Variants in STK11IP observed in about 807,000 individuals in gnomAD.
The protein encoded by STK11IP is serine/threonine kinase 11 interacting protein, also known as serine/threonine-protein kinase 11-interacting protein.
Under a neutral mutation model 131.7 loss-of-function variants are expected in STK11IP, and 103 were observed. That is an observed-to-expected ratio of 0.78 (90% confidence interval 0.67 to 0.92). STK11IP has a LOEUF of 0.92. Ranked by LOEUF, STK11IP falls within the 40% of genes least tolerant of loss-of-function variation. STK11IP has a pLI of 0.00. For missense variants in STK11IP, 1,315 were observed against 1,385.7 expected, an observed-to-expected ratio of 0.95 and a Z score of 0.81; for synonymous variants, 557 against 575.6, an observed-to-expected ratio of 0.97 and a Z score of 0.46.
intron 17 of STK11IP, among the ~76,000 whole-genome samples, chr2:219,610,989 T>A (rs1400725903): frequency 6.6e-6 from 1 of 152,218 alleles, no homozygotes; most frequent in Non-Finnish European, 1.5e-5. Context: ...AGGTAGCGCA[T>A]GCCCATCACG....
Position 219,615,068 on chromosome 2 carries a change from C to T in STK11IP, c.2870-26C>T, listed in dbSNP as rs1224138095. The T allele has an allele frequency of 5.6e-6, 9 of 1,599,498 alleles. No individual in the cohort carries two copies. In the South Asian group the frequency reaches 8.9e-5, roughly 16 times the overall value. ...GGATCTGGGCCCCTCCATGACCTTCCACACTGGATGCCTCTTTCCCTGCAG... is the reference window on the plus strand; with the variant it reads ...GGATCTGGGCCCCTCCATGACCTTCTACACTGGATGCCTCTTTCCCTGCAG... On this transcript the variant is annotated intron_variant, in intron 23 of 24. Coordinates refer to ENST00000456909, the MANE Select transcript of STK11IP (RefSeq NM_052902.4).
In STK11IP at chr2:219,606,144, G is replaced by A. The variant is rs376054427; in HGVS notation, c.850-51G>A. 13 of 1,538,984 alleles carry A rather than the reference G, an allele frequency of 8.4e-6. No individual in the cohort carries two copies. The African/African-American group carries it at 1.6e-4, about 19-fold the overall frequency. ...GTTTGGTCAGTGCCTTCTTCACACAGGGAGGGCCAGGGCCCCAGGCCCTCC... is the reference window on the plus strand; with the variant it reads ...GTTTGGTCAGTGCCTTCTTCACACAAGGAGGGCCAGGGCCCCAGGCCCTCC... On this transcript the variant is annotated intron_variant, in intron 9 of 24. Coordinates refer to ENST00000456909, the MANE Select transcript of STK11IP (RefSeq NM_052902.4).
intron 19 of STK11IP, 132 bp downstream of exon 19, chr2:219,612,190 T>C: frequency 3.8e-6 from 3 of 786,738 alleles, no homozygotes; most frequent in Non-Finnish European, 6.1e-6. Context: ...CAGCAGCTTC[T>C]TGCTGTGTGG....
At chr2:219,613,261 A>AGATGGGGTGAGTTGGGGGGG in intron 20 of STK11IP, 36 bp downstream of exon 20, 1 of 718,270 alleles carries the variant, frequency 1.4e-6, no homozygotes, top group South Asian at 1.5e-5. Context: ...GTAAGGGGGG[A>AGATGGGGTGAGTTGGGGGGG]GATGGGGTGA....
intron 24 of STK11IP, 97 bp downstream of exon 24, chr2:219,615,438 G>A (rs1321268971): frequency 6.8e-7 from 1 of 1,470,628 alleles, no homozygotes. Flanking sequence ...TAGGAACCCT[G>A]GGCATTGGTG....
chr2:219,603,955 C>G (rs1698073033), intron 7 of STK11IP, among the ~76,000 whole-genome samples: 2 of 151,980 alleles, frequency 1.3e-5, no homozygotes, highest in African/African-American at 4.8e-5. Context: ...GGAAGGGGAA[C>G]TGTGAGGGCT....
intron 2 of STK11IP, among the ~76,000 whole-genome samples, chr2:219,600,401 G>A (rs1175268417): frequency 6.6e-6 from 1 of 152,176 alleles, no homozygotes; most frequent in African/African-American, 2.4e-5. Context: ...AACCAGCTCA[G>A]TGTCCTGACT....
intron 7 of STK11IP, 149 bp from the exon 8 acceptor site, chr2:219,605,459 T>A: frequency 1.4e-6 from 1 of 707,314 alleles, no homozygotes; most frequent in East Asian, 2.7e-5. Flanking sequence ...TCTTTTAACG[T>A]GGGAGTAGGG....
chr2:219,609,598 G>A, intron 17 of STK11IP, 58 bp downstream of exon 17: 1 of 1,547,632 alleles, frequency 6.5e-7, no homozygotes, highest in Non-Finnish European at 8.7e-7. Context: ...CAGGGAAAGT[G>A]GCTCTGTGTA....
intron 2 of STK11IP, among the ~76,000 whole-genome samples, chr2:219,599,599 T>G (rs1197657970): frequency 6.6e-6 from 1 of 152,186 alleles, no homozygotes; most frequent in African/African-American, 2.4e-5. Flanking sequence ...GGTGTGTGAA[T>G]GTGTGACTAC....
At chr2:219,615,973 A>G (rs1698557431) in intron 24 of STK11IP, 71 bp from the exon 25 acceptor site, 1 of 1,570,102 alleles carries the variant, frequency 6.4e-7, no homozygotes, top group Non-Finnish European at 8.7e-7. Flanking sequence ...AGGCCTTCGC[A>G]GAGACCTCCC....
intron 3 of STK11IP, 62 bp from the exon 4 acceptor site, chr2:219,601,579 G>A (rs1574612698): frequency 6.4e-7 from 1 of 1,557,194 alleles, no homozygotes; most frequent in East Asian, 2.4e-5. Context: ...GCTAAGGAAG[G>A]AATGTTGAGG....
rs1450584691 is a variant in STK11IP, at chr2:219,606,211, AC to A, written c.869del (p.Pro290LeufsTer36). ...GCCCCTCAGCTCTACCTGGAGGGGA[AC>A]CCTCTTTGGTTCCACCCTGAGCACC... ...AELRKLYLEGNPLWFHPEHRA... is the reference protein window; with the variant it reads ...AELRKLYLEGXPLWFHPEHRA... On this transcript the variant is annotated frameshift_variant, in exon 10 of 25. Coordinates refer to ENST00000456909, the MANE Select transcript of STK11IP (RefSeq NM_052902.4). LOFTEE classifies it high-confidence loss of function. 2.6e-6 allele frequency: 4 copies of A among 1,566,486 alleles called. No homozygotes were observed. Among genetic ancestry groups the A allele is most frequent in the Non-Finnish European group, 3.5e-6 (4 of 1,155,694 alleles).
intron 10 of STK11IP, 55 bp downstream of exon 10, chr2:219,606,345 C>T (rs138832874): frequency 3.4e-5 from 53 of 1,545,254 alleles, no homozygotes; most frequent in African/African-American, 4.1e-5. Flanking sequence ...AGTCCTCCCC[C>T]ACCTTGCACC....
chr2:219,615,959 A>G (rs62181346), intron 24 of STK11IP, 85 bp from the exon 25 acceptor site: 36,445 of 1,545,488 alleles, frequency 0.024, 481 homozygotes, highest in African/African-American at 0.028. Flanking sequence ...AGGTGGAGAC[A>G]GTGAGGCCTT....
At chr2:219,603,816 G>T (rs1399247157) in intron 7 of STK11IP, among the ~76,000 whole-genome samples, 2 of 152,072 alleles carry the variant, frequency 1.3e-5, no homozygotes, top group Non-Finnish European at 2.9e-5. Context: ...CACCGTGCCC[G>T]ACCAAGTAAG....
chr2:219,601,973 C>T lies in STK11IP; in HGVS notation c.343-15C>T. 27 of 1,602,436 alleles carry T rather than the reference C, an allele frequency of 1.7e-5. No homozygotes were observed. Among genetic ancestry groups the T allele is most frequent in the Non-Finnish European group, 2.3e-5 (27 of 1,174,134 alleles). On this transcript the variant is annotated splice_polypyrimidine_tract_variant and intron_variant, in intron 4 of 24. Coordinates refer to ENST00000456909, the MANE Select transcript of STK11IP (RefSeq NM_052902.4). ...GTGGGGTTCTGCCTTCCTCCCTCCTCTTTCCTTGTCCCAGCTCCGAGGTGT... is the reference window on the plus strand; with the variant it reads ...GTGGGGTTCTGCCTTCCTCCCTCCTTTTTCCTTGTCCCAGCTCCGAGGTGT...
At position 219,598,346 on chromosome 2, in the gene STK11IP, T is replaced by G. The variant is rs1037006920; in HGVS notation, c.61+166T>G. 4.2e-5 allele frequency: 23 copies of G among 544,620 alleles called. No individual in the cohort carries two copies. In the African/African-American group the frequency reaches 4.4e-4, roughly 10 times the overall value. 33.7% of individuals were successfully genotyped at this position (544,620 alleles called of 1,614,324 possible). Reference sequence around the variant, plus strand: ...AGGTTTGTTCGCCCTTACAGTGTCCTTTGCCTGTGATAGCCTAAACTCTAG... The same window carrying G: ...AGGTTTGTTCGCCCTTACAGTGTCCGTTGCCTGTGATAGCCTAAACTCTAG... On this transcript the variant is annotated intron_variant, in intron 2 of 24. Transcript: ENST00000456909.
In STK11IP at chr2:219,601,688, C is replaced by A; in HGVS notation, c.315C>A (p.Phe105Leu). 6.3e-7 allele frequency: 1 copy of A among 1,597,886 alleles called. No individual in the cohort carries two copies. The highest frequency in any genetic ancestry group is 8.5e-7 in the Non-Finnish European group (1 of 1,172,264). Residue 105 changes from phenylalanine to leucine, a missense_variant, in exon 4 of 25, where the codon TTC becomes TTA. Phe to Leu is a conservative substitution (Grantham distance 22, BLOSUM62 0). Transcript: ENST00000456909. ...GCCCCACAGGGCCCATCAAGATTTT[C>A]CCCTTCAAATCCCTTCGGCACCTGG... is the stretch of plus-strand genomic sequence containing the variant. ...GPGPTGPIKI[F>L]PFKSLRHLEL... is the part of the protein sequence containing the mutation.
Sources: allele counts gnomAD v4.1 joint callset (sites outside exome capture counted in the v4.1 genomes callset), GRCh38; gene constraint gnomAD v4.1.1; transcripts MANE v1.5; gene names NCBI Gene and HGNC (gene_info 2026-07-23, HGNC 2026-07-21).